The following CDRT4 variants were observed in gnomAD, a reference collection of about 807,000 sequenced individuals.
CDRT4 encodes CMT1A duplicated region transcript 4 protein.
For synonymous variants in CDRT4, 64 were observed against 69.6 expected, an observed-to-expected ratio of 0.92 and a Z score of 0.40; for missense variants, 167 against 193.1, an observed-to-expected ratio of 0.87 and a Z score of 0.80.
At chr17:15,456,119 C>T (rs1019186137) in intron 1 of CDRT4, among the ~76,000 whole-genome samples, 1 of 152,190 alleles carries the variant, frequency 6.6e-6, no homozygotes, top group Non-Finnish European at 1.5e-5. Flanking sequence ...TTCCCCATTC[C>T]ATCTCCAGAG....
At chr17:15,465,644 CACAG>C (rs1207311579) in intron 1 of CDRT4, among the ~76,000 whole-genome samples, 2 of 152,122 alleles carry the variant, frequency 1.3e-5, no homozygotes, top group South Asian at 2.1e-4. Context: ...ATTCATACAA[CACAG>C]ACACACACGC....
intron 1 of CDRT4, among the ~76,000 whole-genome samples, chr17:15,458,277 C>T (rs1323196841): frequency 6.6e-6 from 1 of 152,194 alleles, no homozygotes; most frequent in East Asian, 1.9e-4. Context: ...AAAGACACTG[C>T]CCCTTAAATC....
At chr17:15,441,556 G>A (rs949797746) in intron 2 of CDRT4, among the ~76,000 whole-genome samples, 7 of 152,108 alleles carry the variant, frequency 4.6e-5, no homozygotes, top group African/African-American at 1.7e-4. Context: ...GAGATAAGCA[G>A]TTCCCAGGTT....
At chr17:15,460,544 T>C (rs1220333527) in intron 1 of CDRT4, among the ~76,000 whole-genome samples, 1 of 152,190 alleles carries the variant, frequency 6.6e-6, no homozygotes, top group African/African-American at 2.4e-5. Context: ...AAATGTTCAG[T>C]GACTTCCTGA....
intron 1 of CDRT4, among the ~76,000 whole-genome samples, chr17:15,463,002 G>A (rs1163865847): frequency 1.3e-5 from 2 of 152,168 alleles, no homozygotes; most frequent in Non-Finnish European, 2.9e-5. Context: ...TAAGATAGTT[G>A]AGCAGGAGAT....
intron 1 of CDRT4, among the ~76,000 whole-genome samples, chr17:15,456,203 A>G (rs1210115296): frequency 6.6e-6 from 1 of 152,152 alleles, no homozygotes; most frequent in Non-Finnish European, 1.5e-5. Context: ...ACAAAAATGA[A>G]GCTGCCCTTC....
In CDRT4 at chr17:15,440,208, CT is replaced by C. The variant is rs1978692989; in HGVS notation, c.30del (p.Gly11AspfsTer30). On this transcript the variant is annotated frameshift_variant and splice_region_variant, in exon 3 of 4. Transcript: ENST00000619038. LOFTEE classifies it low-confidence loss of function (END_TRUNC). MDARRMKKE[E>X]GLTENTGLPR... ...CCACTGGTAACACTCCCAACCCTAC[CT>C]TCTTCTTTCTTCATCCTTCTTGCAT... 1.3e-6 allele frequency: 2 copies of C among 1,598,128 alleles called. No homozygotes were observed. Among genetic ancestry groups the C allele is most frequent in the African/African-American group, 3.3e-5 (2 of 61,530 alleles).
At chr17:15,446,986 T>C (rs1979056217) in intron 2 of CDRT4, among the ~76,000 whole-genome samples, 1 of 152,144 alleles carries the variant, frequency 6.6e-6, no homozygotes, top group Non-Finnish European at 1.5e-5. Context: ...ACATTACTCT[T>C]CTAAGAGGGA....
intron 2 of CDRT4, among the ~76,000 whole-genome samples, chr17:15,451,810 ACT>A (rs1341418036): frequency 2.0e-5 from 3 of 152,076 alleles, no homozygotes; most frequent in African/African-American, 7.2e-5. Context: ...CTATTTTAAT[ACT>A]CTGTCTAACA....
intron 2 of CDRT4, among the ~76,000 whole-genome samples, chr17:15,441,634 T>A (rs1196117640): frequency 6.6e-6 from 1 of 152,108 alleles, no homozygotes; most frequent in Admixed American, 6.6e-5. Context: ...ATTGACAGGG[T>A]CAACTTTAAA....
intron 2 of CDRT4, among the ~76,000 whole-genome samples, chr17:15,443,478 G>T (rs1218459283): frequency 2.7e-5 from 4 of 149,228 alleles, no homozygotes; most frequent in Admixed American, 6.7e-5. Flanking sequence ...GTAGAGACAG[G>T]GGTCTCGCTA....
intron 1 of CDRT4, among the ~76,000 whole-genome samples, chr17:15,456,157 C>G (rs1269304261): frequency 6.6e-6 from 1 of 152,126 alleles, no homozygotes; most frequent in Non-Finnish European, 1.5e-5. Context: ...AGTAAGGGAA[C>G]CTATGTAAGT....
intron 2 of CDRT4, among the ~76,000 whole-genome samples, chr17:15,440,818 G>A (rs930160806): frequency 6.6e-6 from 1 of 152,162 alleles, no homozygotes. Context: ...ACCATGCAGG[G>A]GGGAAATCTG....
intron 2 of CDRT4, among the ~76,000 whole-genome samples, chr17:15,452,181 G>T (rs1009202127): frequency 1.3e-5 from 2 of 152,204 alleles, no homozygotes; most frequent in Non-Finnish European, 2.9e-5. Context: ...GGAAAGGCCT[G>T]GGTTCAAATC....
intron 3 of CDRT4, among the ~76,000 whole-genome samples, chr17:15,438,419 CAG>C (rs77537673): frequency 0.2 from 29,936 of 152,082 alleles, 4,125 homozygotes; most frequent in East Asian, 0.49. Flanking sequence ...GAGCAAGAGA[CAG>C]AGTCAAACAG....
chr17:15,446,196 A>G (rs1267779045), intron 2 of CDRT4, among the ~76,000 whole-genome samples: 1 of 151,982 alleles, frequency 6.6e-6, no homozygotes, highest in African/African-American at 2.4e-5. Context: ...GGACCAGCAC[A>G]TGTGCTGACT....
At chr17:15,460,841 C>A (rs368801125) in intron 1 of CDRT4, among the ~76,000 whole-genome samples, 1 of 152,086 alleles carries the variant, frequency 6.6e-6, no homozygotes, top group Non-Finnish European at 1.5e-5. Flanking sequence ...CTGTCCACCT[C>A]TTAGATCTCT....
chr17:15,440,383 T>A, intron 2 of CDRT4, 98 bp from the exon 3 acceptor site: 1 of 1,340,148 alleles, frequency 7.5e-7, no homozygotes, highest in Non-Finnish European at 1.0e-6. Context: ...ATATGGTCAC[T>A]GCATGAGGCT....
intron 2 of CDRT4, among the ~76,000 whole-genome samples, chr17:15,449,363 G>C (rs1016082094): frequency 8.5e-5 from 13 of 152,226 alleles, no homozygotes; most frequent in Non-Finnish European, 1.8e-4. Flanking sequence ...TAAGCAGCCT[G>C]TCCAAGGTCA....
Sources: gnomAD v4.1 joint callset for allele counts (sites outside exome capture counted in the v4.1 genomes callset) on GRCh38, gnomAD v4.1.1 for gene constraint, MANE v1.5 for transcripts, NCBI Gene and HGNC (gene_info 2026-07-23, HGNC 2026-07-21) for gene names.